CSNK1G1: variants seen among roughly 807,000 people sequenced by gnomAD.
CSNK1G1 encodes the protein casein kinase 1 gamma 1, also known as casein kinase I isoform gamma-1.
Under a neutral mutation model 59.6 loss-of-function variants are expected in CSNK1G1, and 22 were observed. The ratio of observed to expected loss-of-function variants is 0.37; its 90% CI spans 0.26 to 0.53. The LOEUF (loss-of-function observed/expected upper bound fraction) is 0.53. Among genes scored for constraint, CSNK1G1 ranks in the 20% least tolerant of loss-of-function variants. CSNK1G1 has a pLI of 0.89. For synonymous variants in CSNK1G1, 179 were observed against 177.1 expected (o/e 1.01, Z -0.08); for missense variants, 384 against 519.5 (o/e 0.74, Z 2.54).
chr15:64,354,746 C>T (rs1054322676), intron 1 of CSNK1G1, among the ~76,000 whole-genome samples: 5 of 152,086 alleles, frequency 3.3e-5, no homozygotes, highest in Non-Finnish European at 5.9e-5. Context: ...TGGGATGTTA[C>T]TTATAATACA....
At chr15:64,221,957 C>T (rs971140403) in intron 4 of CSNK1G1, among the ~76,000 whole-genome samples, 7 of 152,066 alleles carry the variant, frequency 4.6e-5, no homozygotes, top group Non-Finnish European at 1.0e-4. Flanking sequence ...AATCATTCTA[C>T]TATAAAGACA....
chr15:64,234,320 T>C (rs1030973076), intron 4 of CSNK1G1, among the ~76,000 whole-genome samples: 1 of 152,172 alleles, frequency 6.6e-6, no homozygotes, highest in Non-Finnish European at 1.5e-5. Context: ...ATTAGGTTGC[T>C]GTTGCCCTAA....
intron 10 of CSNK1G1, among the ~76,000 whole-genome samples, chr15:64,184,454 A>G (rs1000960409): frequency 1.6e-4 from 24 of 152,146 alleles, no homozygotes; most frequent in East Asian, 5.8e-4. Flanking sequence ...AGACAGGTGG[A>G]TTGCCTGAGC....
chr15:64,305,757 G>A (rs1596251903), intron 1 of CSNK1G1, among the ~76,000 whole-genome samples: 2 of 106,676 alleles, frequency 1.9e-5, no homozygotes. Context: ...CAGTACTCAA[G>A]ACAGTGTGAT....
intron 1 of CSNK1G1, chr15:64,317,014 G>A (rs1896308139): frequency 6.6e-6 from 1 of 152,052 alleles, no homozygotes; most frequent in Non-Finnish European, 1.5e-5. Context: ...GTGTCTGAGG[G>A]GTTTTGTCTG....
chr15:64,233,657 C>T (rs901328411), intron 4 of CSNK1G1, among the ~76,000 whole-genome samples: 3 of 152,266 alleles, frequency 2.0e-5, no homozygotes, highest in Admixed American at 6.5e-5. Flanking sequence ...CTGGAAAATT[C>T]GTCCTGGTCC....
intron 10 of CSNK1G1, chr15:64,181,627 C>A (rs868496438): frequency 9.7e-6 from 5 of 515,872 alleles, no homozygotes; most frequent in Non-Finnish European, 1.3e-5. Context: ...CCTAATCAGC[C>A]CTAAGTTTGA....
At chr15:64,198,308 C>T (rs886907334) in intron 10 of CSNK1G1, among the ~76,000 whole-genome samples, 88 of 150,794 alleles carry the variant, frequency 5.8e-4, no homozygotes, top group African/African-American at 2.0e-3. Flanking sequence ...CAGGTTCAAG[C>T]AATTCTCCTG....
chr15:64,199,303 A>G lies in CSNK1G1; in HGVS notation c.1107+3779T>C, dbSNP rs185750905. Among the ~76,000 whole-genome samples the G allele has an allele frequency of 8.0e-4, 121 of 151,574 alleles. 1 individual carries two copies. Among genetic ancestry groups the G allele is most frequent in the African/African-American group, 2.8e-3 (114 of 41,424 alleles). ...AGAAAAGAAAAAGAGAAAAAAATATATATCAAAGAGAGATATTCAAGATTC... is the reference window on the plus strand; with the variant it reads ...AGAAAAGAAAAAGAGAAAAAAATATGTATCAAAGAGAGATATTCAAGATTC... On this transcript the variant is annotated intron_variant, in intron 10 of 11. Coordinates refer to ENST00000303052, the MANE Select transcript of CSNK1G1 (RefSeq NM_022048.5).
intron 4 of CSNK1G1, among the ~76,000 whole-genome samples, chr15:64,247,280 G>T (rs1206359136): frequency 1.3e-5 from 2 of 152,122 alleles, no homozygotes; most frequent in Non-Finnish European, 2.9e-5. Context: ...TGCCTATGGT[G>T]ACCATAATAC....
chr15:64,229,172 C>T (rs1398290439), intron 4 of CSNK1G1, among the ~76,000 whole-genome samples: 1 of 152,110 alleles, frequency 6.6e-6, no homozygotes, highest in African/African-American at 2.4e-5. Context: ...AACTTTCCCC[C>T]TACTGATGGG....
intron 2 of CSNK1G1, among the ~76,000 whole-genome samples, chr15:64,294,780 C>T (rs1332674131): frequency 6.6e-6 from 1 of 151,428 alleles, no homozygotes; most frequent in Non-Finnish European, 1.5e-5. Context: ...GGCGTTGTGG[C>T]AGGTGCCTGT....
chr15:64,314,700 T>C (rs1172389196), intron 1 of CSNK1G1, among the ~76,000 whole-genome samples: 1 of 152,218 alleles, frequency 6.6e-6, no homozygotes, highest in Non-Finnish European at 1.5e-5. Flanking sequence ...TTGTTTTAGA[T>C]TCCACACATA....
At chr15:64,277,786 T>G (rs866704404) in intron 2 of CSNK1G1, among the ~76,000 whole-genome samples, 4 of 123,814 alleles carry the variant, frequency 3.2e-5, no homozygotes, top group Non-Finnish European at 5.1e-5. Context: ...TAATAATATA[T>G]TAATATTGAT....
At chr15:64,320,678 C>CAAAAAAA (rs1031206646) in intron 1 of CSNK1G1, among the ~76,000 whole-genome samples, 100 of 39,262 alleles carry the variant, frequency 2.5e-3, no homozygotes, top group Non-Finnish European at 3.6e-3. Flanking sequence ...GGCTCCATCA[C>CAAAAAAA]AAAAAAAAAA....
Position 64,290,677 on chromosome 15 carries a change from G to T in CSNK1G1, c.181+9642C>A, listed in dbSNP as rs183043046. On this transcript the variant is annotated intron_variant, in intron 2 of 11. Coordinates refer to ENST00000303052, the MANE Select transcript of CSNK1G1 (RefSeq NM_022048.5). ...AAAAAAACCCAGACTTCACCATTAG[G>T]GAATATATCCACATAACAACAAAAA... Among the ~76,000 whole-genome samples the T allele has an allele frequency of 2.8e-3, 432 of 151,908 alleles. 2 individuals carry two copies. The highest frequency in any genetic ancestry group is 3.0e-3 in the Admixed American group (45 of 15,250).
rs760451539 is a variant in CSNK1G1 at position 64,204,610 on chromosome 15, G to C, written c.851-21C>G. On this transcript the variant is annotated intron_variant, in intron 8 of 11. Transcript: ENST00000303052. ...CTCCTCTGTTAGGAAAGAGATGAAA[G>C]GCCCTGCTCATTAGCTGAATGCTTT... 6.2e-6 allele frequency: 10 copies of C among 1,609,240 alleles called. No individual in the cohort carries two copies. In the East Asian group the frequency reaches 2.2e-4, roughly 36 times the overall value.
chr15:64,324,592 C>T (rs1462586687), intron 1 of CSNK1G1, among the ~76,000 whole-genome samples: 1 of 152,256 alleles, frequency 6.6e-6, no homozygotes, highest in Non-Finnish European at 1.5e-5. Flanking sequence ...CTGTCTGCTT[C>T]CCTACTTTTG....
In CSNK1G1 at chr15:64,166,086, A is replaced by G; in HGVS notation, c.*5845T>C. The G allele has an allele frequency of 1.6e-6, 1 of 622,244 alleles. No individual in the cohort carries two copies. The allele number at this position is 622,244 out of a possible 1,614,324, so 38.5% of individuals were successfully genotyped here. On this transcript the variant is annotated 3_prime_UTR_variant, in exon 12 of 12. Transcript: ENST00000303052. The surrounding 1 kb of genome is among the most constrained non-coding windows in gnomAD (Gnocchi z 4.5). Reference sequence around the variant, plus strand: ...GTTTATGAAACATTATACATCTAAAAAAAAAAAAAGTAAAAAAAGAGGCAT... The same window carrying G: ...GTTTATGAAACATTATACATCTAAAGAAAAAAAAAGTAAAAAAAGAGGCAT...
Sources: allele counts gnomAD v4.1 joint callset (sites outside exome capture counted in the v4.1 genomes callset), GRCh38; gene constraint gnomAD v4.1.1; non-coding constraint Gnocchi (gnomAD v3.1); transcripts MANE v1.5; gene names NCBI Gene and HGNC (gene_info 2026-07-23, HGNC 2026-07-21).